GTF2H5: variants seen among roughly 807,000 people sequenced by gnomAD.
GTF2H5 encodes the protein TFB5 ortholog.
A neutral mutation model predicts 7.1 loss-of-function variants in GTF2H5; 5 were observed. The ratio of observed to expected loss-of-function variants is 0.71; its 90% CI spans 0.37 to 1.49. The LOEUF (loss-of-function observed/expected upper bound fraction) is 1.49, where lower values mean the gene tolerates loss of function less well. Ranked by LOEUF, GTF2H5 falls within the 40% of genes most tolerant of loss-of-function variation. The pLI is 0.03. For synonymous variants in GTF2H5, 30 were observed against 31.7 expected (o/e 0.95, Z 0.18); for missense variants, 80 against 83.0 (o/e 0.96, Z 0.14).
chr6:158,178,602 T>G (rs563823312), intron 2 of GTF2H5, among the ~76,000 whole-genome samples: 75 of 152,326 alleles, frequency 4.9e-4, no homozygotes, highest in African/African-American at 1.7e-3. Flanking sequence ...TAATGACCAG[T>G]GATGATGAGC....
At position 158,197,727 on chromosome 6, in the gene GTF2H5, C is replaced by G. The variant is rs180820248; in HGVS notation, c.*5570C>G. ...ACCGTGACAGTTCCCCTGCGCATTC[C>G]TCTCATAAAGCAAGGGCAGTTTAGC... On this transcript the variant is annotated 3_prime_UTR_variant, in exon 3 of 3. Transcript: ENST00000607778. 1.1e-4 allele frequency: 17 copies of G among 152,228 alleles called. No individual in the cohort carries two copies. In the East Asian group the frequency reaches 2.9e-3, roughly 26 times the overall value. 9.4% of individuals were successfully genotyped at this position (152,228 alleles called of 1,614,324 possible). A position where few individuals can be genotyped will look rare whatever the true frequency, so the allele number is the denominator to read the frequency against.
At chr6:158,169,745 T>TAATATATTGTATATTGTATATTA (rs374070331) in intron 1 of GTF2H5, among the ~76,000 whole-genome samples, 3 of 54,036 alleles carry the variant, frequency 5.6e-5, no homozygotes, top group African/African-American at 3.1e-4. Context: ...ATATTATATA[T>TAATATATTGTATATTGTATATTA]TATATAATAT....
At chr6:158,177,802 T>C (rs756120039) in intron 2 of GTF2H5, among the ~76,000 whole-genome samples, 6 of 152,166 alleles carry the variant, frequency 3.9e-5, no homozygotes, top group African/African-American at 4.8e-5. Flanking sequence ...CTCCCACTTA[T>C]GAGCGAGAAC....
At chr6:158,169,824 A>AGT (rs1302713264) in intron 1 of GTF2H5, among the ~76,000 whole-genome samples, 3 of 105,954 alleles carry the variant, frequency 2.8e-5, no homozygotes, top group African/African-American at 4.0e-5. Flanking sequence ...TATATATAAA[A>AGT]GTGTGTATAT....
rs1357050368 is a variant in GTF2H5 at position 158,193,634 on chromosome 6, C to G, written c.*1477C>G. On this transcript the variant is annotated 3_prime_UTR_variant, in exon 3 of 3. Coordinates refer to ENST00000607778, the MANE Select transcript of GTF2H5 (RefSeq NM_207118.3). The stretch of plus-strand genomic sequence containing the variant: ...CCATACAGTTCACAGTTTTCATTCC[C>G]TCATAGCAATGCAAAAAATTTTGAT... 6.6e-6 allele frequency: 1 copy of G among 152,154 alleles called. No homozygotes were observed. The highest frequency in any genetic ancestry group is 1.5e-5 in the Non-Finnish European group (1 of 68,044). The allele number at this position is 152,154 out of a possible 1,614,324, so 9.4% of individuals were successfully genotyped here.
intron 2 of GTF2H5, among the ~76,000 whole-genome samples, chr6:158,178,005 A>T (rs1785955687): frequency 6.6e-6 from 1 of 152,164 alleles, no homozygotes; most frequent in Non-Finnish European, 1.5e-5. Context: ...AGTCTTAGCT[A>T]TTGTGAATAG....
intron 2 of GTF2H5, among the ~76,000 whole-genome samples, chr6:158,189,031 G>A (rs943897758): frequency 1.1e-4 from 15 of 140,974 alleles, no homozygotes; most frequent in South Asian, 2.3e-4. Context: ...TGTAGCCTCA[G>A]CCTCTTCTCT....
intron 2 of GTF2H5, among the ~76,000 whole-genome samples, chr6:158,185,147 CT>C (rs1165100637): frequency 0.017 from 2,283 of 132,488 alleles, 45 homozygotes; most frequent in African/African-American, 0.051. Context: ...CTTTGAGTGT[CT>C]TTTTTTTTTT....
intron 2 of GTF2H5, among the ~76,000 whole-genome samples, chr6:158,186,773 G>A (rs1220387741): frequency 1.3e-5 from 2 of 152,172 alleles, no homozygotes; most frequent in Non-Finnish European, 2.9e-5. Flanking sequence ...TCAAAGCAAG[G>A]GGAATGGGGG....
intron 1 of GTF2H5, among the ~76,000 whole-genome samples, chr6:158,169,987 C>T (rs958012275): frequency 2.0e-5 from 3 of 151,104 alleles, no homozygotes; most frequent in East Asian, 3.9e-4. Flanking sequence ...CGCCACTGCA[C>T]TACAGCCTGG....
chr6:158,181,709 T>C (rs1786012935), intron 2 of GTF2H5, among the ~76,000 whole-genome samples: 1 of 152,146 alleles, frequency 6.6e-6, no homozygotes, highest in Admixed American at 6.5e-5. Context: ...TGCTTTTTTT[T>C]TTTGCTTTGC....
intron 2 of GTF2H5, among the ~76,000 whole-genome samples, chr6:158,175,010 A>G (rs78269942): frequency 0.13 from 18,272 of 138,340 alleles, 1,316 homozygotes; most frequent in African/African-American, 0.17. Context: ...TGTGCCTGAG[A>G]TGTGTGTGTG....
intron 2 of GTF2H5, among the ~76,000 whole-genome samples, chr6:158,185,308 G>A (rs1776901387): frequency 6.6e-6 from 1 of 152,148 alleles, no homozygotes; most frequent in Non-Finnish European, 1.5e-5. Context: ...GGGAAGCCGA[G>A]GCTGGAGGAT....
chr6:158,190,724 ATTG>A, intron 2 of GTF2H5: 1 of 401,834 alleles, frequency 2.5e-6, no homozygotes, highest in South Asian at 1.8e-5. Flanking sequence ...TTTGGATTAA[ATTG>A]TTACCTTTAC....
intron 2 of GTF2H5, among the ~76,000 whole-genome samples, chr6:158,172,217 CTT>C (rs1389182899): frequency 5.9e-5 from 9 of 151,526 alleles, no homozygotes; most frequent in African/African-American, 9.7e-5. Context: ...TCACTTCTCT[CTT>C]GTGGGGATTT....
intron 1 of GTF2H5, among the ~76,000 whole-genome samples, chr6:158,169,530 G>GTATATTATATATAATATACAA (rs1785755493): frequency 1.4e-5 from 1 of 72,780 alleles, no homozygotes; most frequent in African/African-American, 5.8e-5. Context: ...ATAATATACA[G>GTATATTATATATAATATACAA]TATATTATAT....
At position 158,194,101 on chromosome 6, in the gene GTF2H5, C is replaced by G. The variant is rs1777070448; in HGVS notation, c.*1944C>G. Reference sequence around the variant, plus strand: ...TTAGTATGCCTCAGGCATTTGTCACCAACCTTTTATATTAACATGAAACTT... The same window carrying G: ...TTAGTATGCCTCAGGCATTTGTCACGAACCTTTTATATTAACATGAAACTT... On this transcript the variant is annotated 3_prime_UTR_variant, in exon 3 of 3. Coordinates refer to ENST00000607778, the MANE Select transcript of GTF2H5 (RefSeq NM_207118.3). 6.6e-6 allele frequency: 1 copy of G among 151,874 alleles called. No individual in the cohort carries two copies. The highest frequency in any genetic ancestry group is 6.6e-5 in the Admixed American group (1 of 15,256). 9.4% of individuals were successfully genotyped at this position (151,874 alleles called of 1,614,324 possible).
intron 2 of GTF2H5, among the ~76,000 whole-genome samples, chr6:158,191,545 C>T (rs757708166): frequency 6.6e-5 from 10 of 151,340 alleles, no homozygotes; most frequent in African/African-American, 1.2e-4. Flanking sequence ...TGCAGTGGCA[C>T]GATCTCCGCT....
intron 2 of GTF2H5, among the ~76,000 whole-genome samples, chr6:158,177,806 C>T (rs559531714): frequency 1.3e-5 from 2 of 152,204 alleles, no homozygotes; most frequent in African/African-American, 4.8e-5. Context: ...CACTTATGAG[C>T]GAGAACATGC....
Sources: gnomAD v4.1 joint callset for allele counts (sites outside exome capture counted in the v4.1 genomes callset) on GRCh38, gnomAD v4.1.1 for gene constraint, MANE v1.5 for transcripts, NCBI Gene and HGNC (gene_info 2026-07-23, HGNC 2026-07-21) for gene names.